The following LPP variants were observed in gnomAD, a reference collection of about 807,000 sequenced individuals.
The protein encoded by LPP is lipoma-preferred partner.
Under a neutral mutation model 60.4 loss-of-function variants are expected in LPP, and 38 were observed. The ratio of observed to expected loss-of-function variants is 0.63; its 90% CI spans 0.49 to 0.83. The LOEUF is 0.83. Ranked by LOEUF, LPP falls within the 40% of genes least tolerant of loss-of-function variation. LPP has a pLI of 0.00. For synonymous variants in LPP, 328 were observed against 290.8 expected (o/e 1.13, Z -1.30); for missense variants, 902 against 783.6 (o/e 1.15, Z -1.80).
At chr3:188,178,412 A>G (rs1375523720) in intron 1 of LPP, 1 of 152,238 alleles carries the variant, frequency 6.6e-6, no homozygotes, top group Non-Finnish European at 1.5e-5. Context: ...TACTCTAAGC[A>G]CCATGCTGGT....
chr3:188,542,498 A>AT (rs1283351189), intron 6 of LPP, among the ~76,000 whole-genome samples: 1 of 151,986 alleles, frequency 6.6e-6, no homozygotes, highest in Non-Finnish European at 1.5e-5. Flanking sequence ...TCCTGTGATT[A>AT]TTTTTTCTTT....
chr3:188,378,877 A>T (rs1036283605), intron 3 of LPP, among the ~76,000 whole-genome samples: 2 of 152,162 alleles, frequency 1.3e-5, no homozygotes, highest in African/African-American at 4.8e-5. Flanking sequence ...TTCCAGACAT[A>T]TCATTTTCAT....
intron 2 of LPP, among the ~76,000 whole-genome samples, chr3:188,336,549 G>A (rs977785219): frequency 2.6e-5 from 4 of 152,190 alleles, no homozygotes; most frequent in African/African-American, 9.7e-5. Flanking sequence ...ACCCCTGGAT[G>A]TTGGGACTCA....
chr3:188,334,767 T>G (rs1761178708), intron 2 of LPP, among the ~76,000 whole-genome samples: 1 of 152,208 alleles, frequency 6.6e-6, no homozygotes, highest in African/African-American at 2.4e-5. Flanking sequence ...ACCTCTATAC[T>G]ATTTTCTATA....
chr3:188,594,188 G>A (rs1316516046), intron 6 of LPP, among the ~76,000 whole-genome samples: 1 of 152,182 alleles, frequency 6.6e-6, no homozygotes, highest in Non-Finnish European at 1.5e-5. Flanking sequence ...AATATCAAGA[G>A]GGAGAACAGA....
intron 8 of LPP, among the ~76,000 whole-genome samples, chr3:188,726,725 T>G (rs1314760406): frequency 6.6e-6 from 1 of 152,220 alleles, no homozygotes; most frequent in East Asian, 1.9e-4. Context: ...ATTTTTTGTT[T>G]GTTTGATGAA....
intron 2 of LPP, among the ~76,000 whole-genome samples, chr3:188,244,380 T>C (rs909525025): frequency 5.3e-5 from 8 of 152,090 alleles, no homozygotes; most frequent in South Asian, 2.1e-4. Context: ...AGAGGCAGAG[T>C]GGGCTTAGGG....
At chr3:188,698,005 C>G (rs78160496) in intron 7 of LPP, among the ~76,000 whole-genome samples, 1 of 152,100 alleles carries the variant, frequency 6.6e-6, no homozygotes, top group South Asian at 2.1e-4. Context: ...CCGTGGCAAC[C>G]GAAACTCTGT....
chr3:188,740,519 A>T (rs2150162845), intron 8 of LPP, among the ~76,000 whole-genome samples: 1 of 152,206 alleles, frequency 6.6e-6, no homozygotes, highest in Non-Finnish European at 1.5e-5. Context: ...ACATTAACTT[A>T]TTAGTGAAGA....
chr3:188,857,448 G>A (rs569972409), intron 9 of LPP, among the ~76,000 whole-genome samples: 8 of 152,270 alleles, frequency 5.3e-5, no homozygotes, highest in Admixed American at 2.6e-4. Context: ...CATGTAATGC[G>A]GAAAAGAATT....
intron 7 of LPP, among the ~76,000 whole-genome samples, chr3:188,628,082 T>C (rs2151674204): frequency 6.6e-6 from 1 of 151,948 alleles, no homozygotes; most frequent in South Asian, 2.1e-4. Context: ...AGATACAACA[T>C]ACCAGAGAAC....
chr3:188,558,369 G>A (rs573759974), intron 6 of LPP, among the ~76,000 whole-genome samples: 1 of 151,964 alleles, frequency 6.6e-6, no homozygotes, highest in East Asian at 1.9e-4. Context: ...CTTCCTACCT[G>A]CCACTCTCAC....
chr3:188,230,785 A>AG (rs1719646050), intron 2 of LPP, among the ~76,000 whole-genome samples: 1 of 152,012 alleles, frequency 6.6e-6, no homozygotes, highest in South Asian at 2.1e-4. Flanking sequence ...AAAAAAAAAA[A>AG]AAAGAAAAAA....
At chr3:188,816,200 T>C (rs1752438761) in intron 9 of LPP, among the ~76,000 whole-genome samples, 1 of 83,382 alleles carries the variant, frequency 1.2e-5, no homozygotes, top group Non-Finnish European at 3.3e-5. Context: ...TTCCTTCTCT[T>C]TTTTTTTTTT....
rs1759185242 is a variant in LPP at position 188,838,876 on chromosome 3, GGA to G, written c.1411-27321_1411-27320del. Among the ~76,000 whole-genome samples the G allele has an allele frequency of 1.3e-5, 2 of 152,250 alleles. 1 individual carries two copies. The highest frequency in any genetic ancestry group is 6.8e-3 in the Middle Eastern group (2 of 294). On this transcript the variant is annotated intron_variant, in intron 9 of 11. Coordinates refer to ENST00000617246, the MANE Select transcript of LPP (RefSeq NM_001375462.1). ...GGCCTGTCGTGGGGGTCGGGTGCAAGGAGAAGGAGAGGATTAGGACAAATATC... is the reference window on the plus strand; with the variant it reads ...GGCCTGTCGTGGGGGTCGGGTGCAAGGAAGGAGAGGATTAGGACAAATATC...
rs1854274090 is a variant in LPP, at chr3:188,660,235, C to T, written c.1114-48032C>T. Among the ~76,000 whole-genome samples, 3 of 152,106 alleles carry T rather than the reference C, an allele frequency of 2.0e-5. No homozygotes were observed. The South Asian group carries it at 6.2e-4, about 32-fold the overall frequency. On this transcript the variant is annotated intron_variant, in intron 7 of 11. Transcript: ENST00000617246. ...CAATCACAGGATTGTGACTCCTTCCCCAACTTTGTTTACCTACAATAATTG... is the reference window on the plus strand; with the variant it reads ...CAATCACAGGATTGTGACTCCTTCCTCAACTTTGTTTACCTACAATAATTG...
At position 188,572,820 on chromosome 3, in the gene LPP, G is replaced by C. The variant is rs1833816349; in HGVS notation, c.430-36341G>C. ...TTACTTATGCTACTTGTTCATCATA[G>C]GACAGAAGGAGTTCTTTGCAGACTA... On this transcript the variant is annotated intron_variant, in intron 6 of 11. Coordinates refer to ENST00000617246, the MANE Select transcript of LPP (RefSeq NM_001375462.1). The surrounding 1 kb of genome is among the most constrained non-coding windows in gnomAD (Gnocchi z 4.1). Among the ~76,000 whole-genome samples, 1 of 151,988 alleles carries C rather than the reference G, an allele frequency of 6.6e-6. No homozygotes were observed. Among genetic ancestry groups the C allele is most frequent in the Non-Finnish European group, 1.5e-5 (1 of 67,986 alleles).
chr3:188,673,673 G>C (rs932349711), intron 7 of LPP, among the ~76,000 whole-genome samples: 1 of 152,010 alleles, frequency 6.6e-6, no homozygotes, highest in African/African-American at 2.4e-5. Flanking sequence ...GGCTCTTCCT[G>C]CTCCTCCAGA....
upstream of LPP, chr3:188,153,612 C>T (rs1715133419): frequency 6.6e-6 from 1 of 152,468 alleles, no homozygotes; most frequent in Admixed American, 6.5e-5. Context: ...TGCAAGCTCC[C>T]TGCATTCCCG....
Sources: allele counts gnomAD v4.1 joint callset (sites outside exome capture counted in the v4.1 genomes callset), GRCh38; gene constraint gnomAD v4.1.1; non-coding constraint Gnocchi (gnomAD v3.1); transcripts MANE v1.5; gene names NCBI Gene and HGNC (gene_info 2026-07-23, HGNC 2026-07-21).